Variants in PRELID2 observed in about 807,000 individuals in gnomAD.
The protein encoded by PRELID2 is PRELI domain containing 2.
A neutral mutation model predicts 28.4 loss-of-function variants in PRELID2; 25 were observed. The ratio of observed to expected loss-of-function variants is 0.88; its 90% CI spans 0.64 to 1.23. PRELID2 has a LOEUF of 1.23. PRELID2 is among the 50% of genes most tolerant of loss of function. The probability of loss-of-function intolerance (pLI) is 0.00; values close to 1 mark genes in which losing one functional copy is unlikely to be tolerated. For missense variants in PRELID2, 201 were observed against 214.4 expected, an observed-to-expected ratio of 0.94 and a Z score of 0.39; for synonymous variants, 76 against 71.6, an observed-to-expected ratio of 1.06 and a Z score of -0.31.
chr5:145,835,305 GC>G lies in PRELID2; in HGVS notation c.-55del. 1 of 1,320,630 alleles carries G rather than the reference GC, an allele frequency of 7.6e-7. No homozygotes were observed. Among genetic ancestry groups the G allele is most frequent in the Non-Finnish European group, 1.1e-6 (1 of 946,924 alleles). 81.8% of individuals were successfully genotyped at this position (1,320,630 alleles called of 1,614,324 possible). A position where few individuals can be genotyped will look rare whatever the true frequency, so the allele number is the denominator to read the frequency against. The stretch of plus-strand genomic sequence containing the variant: ...GCCACGCCTCCGCGAGCTCAGAGCT[GC>G]CCAGGGCTCCGCAGAGGCCCGGAGG... On this transcript the variant is annotated 5_prime_UTR_variant, in exon 1 of 7. Coordinates refer to ENST00000683046, the MANE Select transcript of PRELID2 (RefSeq NM_205846.3).
chr5:145,315,703 T>A, the PRELID2 span, among the ~76,000 whole-genome samples: 1 of 151,978 alleles, frequency 6.6e-6, no homozygotes, highest in African/African-American at 2.4e-5. Context: ...ACAATGAAGA[T>A]ACTAATGAAA....
chr5:145,622,711 T>A (rs1312464474), intron 1 of PRELID2, among the ~76,000 whole-genome samples: 1 of 152,078 alleles, frequency 6.6e-6, no homozygotes, highest in Non-Finnish European at 1.5e-5. Flanking sequence ...GTTTCAAAAG[T>A]AACTACTAAA....
At chr5:145,257,860 G>T in the PRELID2 span, among the ~76,000 whole-genome samples, 1 of 152,074 alleles carries the variant, frequency 6.6e-6, no homozygotes, top group Non-Finnish European at 1.5e-5. Context: ...GTAATCCCCA[G>T]TGTTGGAGGT....
At chr5:145,728,865 GCTC>G (rs1756253083) in intron 1 of PRELID2, 1 of 937,194 alleles carries the variant, frequency 1.1e-6, no homozygotes, top group African/African-American at 1.6e-5. Flanking sequence ...GTCTTTGACT[GCTC>G]CTCCAAGTGA....
intron 1 of PRELID2, among the ~76,000 whole-genome samples, chr5:145,490,627 T>C (rs1289077550): frequency 6.6e-6 from 1 of 152,184 alleles, no homozygotes; most frequent in South Asian, 2.1e-4. Context: ...AGCAAATGTA[T>C]AGATGAAAAT....
the PRELID2 span, among the ~76,000 whole-genome samples, chr5:145,314,029 T>C: frequency 0.013 from 1,926 of 152,318 alleles, 38 homozygotes; most frequent in East Asian, 0.053. Context: ...ACTTATGTTA[T>C]GCTATGAGAC....
intron 1 of PRELID2, among the ~76,000 whole-genome samples, chr5:145,505,012 A>C (rs1289638869): frequency 6.6e-6 from 1 of 152,142 alleles, no homozygotes; most frequent in East Asian, 1.9e-4. Context: ...AAGCAAGCAC[A>C]TCCTATTCTC....
At chr5:145,574,891 G>A (rs1287419837) in intron 1 of PRELID2, among the ~76,000 whole-genome samples, 2 of 152,098 alleles carry the variant, frequency 1.3e-5, no homozygotes, top group African/African-American at 2.4e-5. Context: ...AAAATCACAA[G>A]GAAAAAGATG....
At chr5:145,362,703 C>G in the PRELID2 span, among the ~76,000 whole-genome samples, 1 of 152,060 alleles carries the variant, frequency 6.6e-6, no homozygotes, top group Non-Finnish European at 1.5e-5. Context: ...ACTAATACAA[C>G]ACCAGGAAGA....
chr5:145,307,607 A>G, the PRELID2 span, among the ~76,000 whole-genome samples: 2 of 152,292 alleles, frequency 1.3e-5, no homozygotes, highest in Admixed American at 6.5e-5. Context: ...ACAAAAGTGT[A>G]CATTAGCTCT....
rs1752363125 is a variant in PRELID2 at position 145,501,956 on chromosome 5, TCTCA to T, written n.71-28645_71-28642del. Among the ~76,000 whole-genome samples, 5 of 152,318 alleles carry T rather than the reference TCTCA, an allele frequency of 3.3e-5. No homozygotes were observed. The South Asian group carries it at 1.0e-3, about 32-fold the overall frequency. On this transcript the variant is annotated intron_variant and non_coding_transcript_variant, in intron 1 of 2. Coordinates refer to the PRELID2 transcript ENST00000510259. ...CTGATTCTGCGTCTGTATTAATCTCTCTCACTCTCTCTTTCTTTCTCTCTCTCAC... is the reference window on the plus strand; with the variant it reads ...CTGATTCTGCGTCTGTATTAATCTCTCTCTCTCTTTCTTTCTCTCTCTCAC...
the PRELID2 span, among the ~76,000 whole-genome samples, chr5:145,335,281 G>A: frequency 3.3e-5 from 5 of 151,426 alleles, no homozygotes; most frequent in South Asian, 2.1e-4. Context: ...TATCTCATTC[G>A]TTGCATTATT....
the PRELID2 span, among the ~76,000 whole-genome samples, chr5:145,387,836 GT>G: frequency 2.1e-4 from 32 of 152,000 alleles, no homozygotes; most frequent in South Asian, 5.6e-3. Context: ...GGAGGCTGAG[GT>G]GGGAGGATTG....
At chr5:145,634,578 T>C (rs968648045) in intron 1 of PRELID2, among the ~76,000 whole-genome samples, 1 of 152,286 alleles carries the variant, frequency 6.6e-6, no homozygotes, top group East Asian at 1.9e-4. Flanking sequence ...CTTAGAGTCA[T>C]TTCCCCTAAA....
chr5:145,342,605 T>C, the PRELID2 span, among the ~76,000 whole-genome samples: 1 of 152,156 alleles, frequency 6.6e-6, no homozygotes, highest in South Asian at 2.1e-4. Context: ...TCACCAGTCT[T>C]CTTTAAAATT....
intron 1 of PRELID2, among the ~76,000 whole-genome samples, chr5:145,584,000 A>G (rs551718957): frequency 2.6e-5 from 4 of 152,282 alleles, no homozygotes; most frequent in South Asian, 2.1e-4. Flanking sequence ...AAGCAAAAAG[A>G]ACAAAGCTGG....
the PRELID2 span, among the ~76,000 whole-genome samples, chr5:145,257,031 G>A: frequency 6.6e-6 from 1 of 151,726 alleles, no homozygotes; most frequent in Non-Finnish European, 1.5e-5. Context: ...GGAAACTGGT[G>A]ATGCAGAAAG....
chr5:145,705,296 T>A (rs999289024), intron 1 of PRELID2, among the ~76,000 whole-genome samples: 1 of 151,942 alleles, frequency 6.6e-6, no homozygotes, highest in African/African-American at 2.4e-5. Context: ...GTTCAAGCAA[T>A]TCTTCTGCCT....
chr5:145,623,606 CAGAT>C lies in PRELID2; in HGVS notation n.70+141321_70+141324del, dbSNP rs1753802873. On this transcript the variant is annotated intron_variant and non_coding_transcript_variant, in intron 1 of 2. Transcript: ENST00000510259. ...TCTGTGGAAACTTGAGATAGACAGA[CAGAT>C]AGATAAATAGATAGGTAGGTAGATA... is the stretch of plus-strand genomic sequence containing the variant. Among the ~76,000 whole-genome samples the C allele has an allele frequency of 2.6e-5, 4 of 151,808 alleles. No individual in the cohort carries two copies. The East Asian group carries it at 5.8e-4, about 22-fold the overall frequency.
Sources: allele counts gnomAD v4.1 joint callset (sites outside exome capture counted in the v4.1 genomes callset), GRCh38; gene constraint gnomAD v4.1.1; transcripts MANE v1.5; gene names NCBI Gene and HGNC (gene_info 2026-07-23, HGNC 2026-07-21).